The following SCML2 variants were observed in gnomAD, a reference collection of about 807,000 sequenced individuals.
SCML2 encodes sex comb on midleg-like protein 2.
SCML2 carries 6 observed loss-of-function variants against 48.4 expected under a neutral mutation model. The observed-to-expected ratio is 0.12, with a 90% CI of 0.07 to 0.24. SCML2 has a LOEUF of 0.24. Ranked by LOEUF, SCML2 falls within the 10% of genes least tolerant of loss-of-function variation. SCML2 has a pLI of 1.00. For synonymous variants in SCML2, 181 were observed against 189.5 expected (o/e 0.95, Z 0.37); for missense variants, 377 against 528.2 (o/e 0.71, Z 2.81).
intron 7 of SCML2, among the ~76,000 whole-genome samples, chrX:18,289,965 TAG>T (rs1158293575): frequency 3.6e-5 from 4 of 110,545 alleles, no homozygotes; most frequent in Non-Finnish European, 5.7e-5. Flanking sequence ...AGGAAAACAT[TAG>T]AGTTTTTCAA....
chrX:18,282,122 T>C (rs953719152), intron 7 of SCML2, among the ~76,000 whole-genome samples: 46 of 106,831 alleles, frequency 4.3e-4, no homozygotes, highest in Non-Finnish European at 4.8e-4. Flanking sequence ...AAATTCCGTC[T>C]CAAAAAAAAC....
rs1930311995 is a variant in SCML2 at position 18,349,748 on chromosome X, G to A, written c.-25+4844C>T. ...GGAGGTGGGGGTTGCAGTGAGCCAGGATTGTGCCACTGCACTACAGCCTGG... is the reference window on the plus strand; with the variant it reads ...GGAGGTGGGGGTTGCAGTGAGCCAGAATTGTGCCACTGCACTACAGCCTGG... On this transcript the variant is annotated intron_variant, in intron 1 of 14. Coordinates refer to ENST00000251900, the MANE Select transcript of SCML2 (RefSeq NM_006089.3). 3.6e-5 allele frequency among the ~76,000 whole-genome samples: 4 copies of A among 111,561 alleles called. No homozygotes were observed. In the Admixed American group the frequency reaches 3.8e-4, roughly 11 times the overall value.
intron 1 of SCML2, among the ~76,000 whole-genome samples, chrX:18,339,694 G>A (rs1011313351): frequency 8.9e-6 from 1 of 111,848 alleles, no homozygotes; most frequent in Non-Finnish European, 1.9e-5. Context: ...TCCAGCCTAG[G>A]CAACAGAGTG....
At position 18,263,016 on chromosome X, in the gene SCML2, C is replaced by T. The variant is rs755673949; in HGVS notation, c.948+2569G>A. 1.4e-3 allele frequency among the ~76,000 whole-genome samples: 150 copies of T among 110,511 alleles called. 2 individuals are homozygous for T. Among genetic ancestry groups the T allele is most frequent in the African/African-American group, 5.0e-3 (147 of 29,692 alleles). ...CAGGCATGAGCCACTGTACCCAGCC[C>T]CTCCTTTCCTTTTGTTAACAGTTTA... On this transcript the variant is annotated intron_variant, in intron 8 of 14. Transcript: ENST00000251900.
intron 7 of SCML2, among the ~76,000 whole-genome samples, chrX:18,301,235 TA>T (rs1402331926): frequency 2.7e-5 from 3 of 110,504 alleles, no homozygotes; most frequent in African/African-American, 9.9e-5. Flanking sequence ...CCGTCTTTAC[TA>T]AAATTACAAA....
At chrX:18,287,551 G>A (rs1427685598) in intron 7 of SCML2, among the ~76,000 whole-genome samples, 1 of 111,818 alleles carries the variant, frequency 8.9e-6, no homozygotes, top group Non-Finnish European at 1.9e-5. Context: ...AGACATTAAA[G>A]GATAGTTCTC....
At chrX:18,310,178 C>G (rs1358323239) in intron 6 of SCML2, among the ~76,000 whole-genome samples, 7 of 108,452 alleles carry the variant, frequency 6.5e-5, no homozygotes, top group Admixed American at 6.0e-4. Context: ...CTAAAATAAA[C>G]AAGGAATTCT....
chrX:18,280,560 C>G (rs1304610546), intron 7 of SCML2, among the ~76,000 whole-genome samples: 1 of 111,515 alleles, frequency 9.0e-6, no homozygotes, highest in Admixed American at 9.5e-5. Context: ...TTAAAAGACA[C>G]AGAATGGCAA....
intron 6 of SCML2, among the ~76,000 whole-genome samples, chrX:18,318,540 T>C (rs761609626): frequency 1.8e-5 from 2 of 112,567 alleles, no homozygotes; most frequent in East Asian, 5.6e-4. Flanking sequence ...ATTTTTCCTC[T>C]TTTTTTATAT....
intron 7 of SCML2, among the ~76,000 whole-genome samples, chrX:18,277,417 T>C (rs764841154): frequency 1.8e-5 from 2 of 111,996 alleles, no homozygotes; most frequent in African/African-American, 6.5e-5. Context: ...ACTCTGCATA[T>C]AGTATTAAAA....
At chrX:18,250,530 C>T (rs1224223431) in intron 11 of SCML2, among the ~76,000 whole-genome samples, 3 of 108,995 alleles carry the variant, frequency 2.8e-5, no homozygotes, top group East Asian at 2.9e-4. Context: ...TACAGGCACC[C>T]GCCACCACAC....
At chrX:18,245,663 C>T (rs1926419030) in intron 13 of SCML2, among the ~76,000 whole-genome samples, 2 of 112,356 alleles carry the variant, frequency 1.8e-5, no homozygotes, top group Admixed American at 9.4e-5. Context: ...CCCTCACTCT[C>T]CTGTACCCTT....
chrX:18,241,202 G>T lies in SCML2; in HGVS notation c.*49C>A. 1 of 1,039,858 alleles carries T rather than the reference G, an allele frequency of 9.6e-7. No homozygotes were observed. Among genetic ancestry groups the T allele is most frequent in the Non-Finnish European group, 1.3e-6 (1 of 779,451 alleles). 85.7% of individuals were successfully genotyped at this position (1,039,858 alleles called of 1,213,427 possible). On this transcript the variant is annotated 3_prime_UTR_variant, in exon 15 of 15. Coordinates refer to ENST00000251900, the MANE Select transcript of SCML2 (RefSeq NM_006089.3). Reference sequence around the variant, plus strand: ...AAGAGAAATACTTTTAAATTAAAATGTTAACAGTACACCTGAGAATTATGT... The same window carrying T: ...AAGAGAAATACTTTTAAATTAAAATTTTAACAGTACACCTGAGAATTATGT...
intron 11 of SCML2, among the ~76,000 whole-genome samples, chrX:18,250,827 T>C (rs1186173624): frequency 1.8e-5 from 2 of 111,227 alleles, no homozygotes; most frequent in East Asian, 5.7e-4. Flanking sequence ...GGGTAATTTA[T>C]AAAGAAAAAG....
Position 18,303,889 on chromosome X carries a change from T to A in SCML2, c.730+1083A>T, listed in dbSNP as rs369913930. 9.8e-5 allele frequency among the ~76,000 whole-genome samples: 11 copies of A among 112,404 alleles called. No individual in the cohort carries two copies. In the South Asian group the frequency reaches 4.1e-3, roughly 41 times the overall value. ...TCTAACAGCCATTGCAAGAATAATA[T>A]GGCTATAAGCTCTTACCTAGACATT... is the stretch of plus-strand genomic sequence containing the variant. On this transcript the variant is annotated intron_variant, in intron 7 of 14. Transcript: ENST00000251900.
At chrX:18,265,851 C>T (rs1569142658) in intron 7 of SCML2, 49 bp from the exon 8 acceptor site, 1 of 926,837 alleles carries the variant, frequency 1.1e-6, no homozygotes, top group Non-Finnish European at 1.5e-6. Context: ...ACAATTAAGG[C>T]ATTGTCTCCT....
chrX:18,288,288 TAAA>T (rs911938934), intron 7 of SCML2, among the ~76,000 whole-genome samples: 2 of 111,468 alleles, frequency 1.8e-5, no homozygotes, highest in Non-Finnish European at 3.8e-5. Context: ...TTTTGTATCA[TAAA>T]AAAACTTTTA....
intron 3 of SCML2, among the ~76,000 whole-genome samples, chrX:18,325,737 A>C (rs1466147299): frequency 8.9e-6 from 1 of 112,125 alleles, no homozygotes; most frequent in Non-Finnish European, 1.9e-5. Context: ...CAAGACACTG[A>C]GAAAAAGACT....
chrX:18,344,785 C>T (rs1370158621), intron 1 of SCML2, among the ~76,000 whole-genome samples: 1 of 111,185 alleles, frequency 9.0e-6, no homozygotes, highest in East Asian at 2.8e-4. Context: ...ATGTCTTTAT[C>T]GGCAGCGTGA....
Sources: gnomAD v4.1 joint callset for allele counts (sites outside exome capture counted in the v4.1 genomes callset) on GRCh38, gnomAD v4.1.1 for gene constraint, MANE v1.5 for transcripts, NCBI Gene and HGNC (gene_info 2026-07-23, HGNC 2026-07-21) for gene names.